INPP4B: variants seen among roughly 807,000 people sequenced by gnomAD.
INPP4B encodes the protein inositol polyphosphate 4-phosphatase type II.
A neutral mutation model predicts 122.5 loss-of-function variants in INPP4B; 55 were observed. The observed-to-expected ratio is 0.45, with a 90% CI of 0.36 to 0.56. The LOEUF is 0.56. INPP4B is among the 20% of genes least tolerant of loss of function. The pLI, the probability that INPP4B is intolerant of heterozygous loss-of-function variation, is 0.00. For synonymous variants in INPP4B, 403 were observed against 388.7 expected (o/e 1.04, Z -0.43); for missense variants, 1,000 against 1,097.7 (o/e 0.91, Z 1.26).
intron 2 of INPP4B, among the ~76,000 whole-genome samples, chr4:142,540,343 T>TC (rs1828796017): frequency 2.0e-5 from 3 of 151,748 alleles, no homozygotes; most frequent in South Asian, 4.2e-4. Context: ...TTTTTTTTTT[T>TC]CACCCAGGCT....
chr4:142,443,412 A>G (rs1812243446), intron 3 of INPP4B, among the ~76,000 whole-genome samples: 2 of 152,124 alleles, frequency 1.3e-5, no homozygotes, highest in Non-Finnish European at 2.9e-5. Context: ...AACAAAAATG[A>G]CAGACCCTGC....
chr4:142,500,307 G>C (rs530625064), intron 2 of INPP4B, among the ~76,000 whole-genome samples: 1 of 152,276 alleles, frequency 6.6e-6, no homozygotes, highest in African/African-American at 2.4e-5. Flanking sequence ...AGGTGGGTGA[G>C]ACTCCTTGCC....
At chr4:142,061,781 C>T (rs1434841642) in intron 25 of INPP4B, among the ~76,000 whole-genome samples, 1 of 149,236 alleles carries the variant, frequency 6.7e-6, no homozygotes, top group South Asian at 2.1e-4. Flanking sequence ...GTTCTAAATA[C>T]AATATATAGC....
chr4:142,582,091 A>T (rs541681725), intron 2 of INPP4B, among the ~76,000 whole-genome samples: 73 of 152,026 alleles, frequency 4.8e-4, no homozygotes, highest in Admixed American at 2.8e-3. Context: ...AACACATTAC[A>T]CCTGCTGCTG....
chr4:142,176,926 C>T (rs188981747), intron 15 of INPP4B, among the ~76,000 whole-genome samples: 16 of 152,274 alleles, frequency 1.1e-4, no homozygotes, highest in African/African-American at 3.9e-4. Flanking sequence ...AATTTTACAA[C>T]CCATCTTATT....
chr4:142,764,482 T>TAA (rs577305267), intron 1 of INPP4B, among the ~76,000 whole-genome samples: 1 of 149,512 alleles, frequency 6.7e-6, no homozygotes, highest in African/African-American at 2.5e-5. Flanking sequence ...TACTGTCAAA[T>TAA]AAAAAAAAAA....
chr4:142,288,408 C>T (rs1754839496), intron 9 of INPP4B, among the ~76,000 whole-genome samples: 2 of 152,090 alleles, frequency 1.3e-5, no homozygotes, highest in African/African-American at 4.8e-5. Context: ...CATGGTGAAA[C>T]CCCATCTCTA....
At chr4:142,660,034 A>G (rs1424705331) in intron 2 of INPP4B, among the ~76,000 whole-genome samples, 2 of 152,210 alleles carry the variant, frequency 1.3e-5, no homozygotes, top group Admixed American at 6.5e-5. Context: ...ATTTCTGCCA[A>G]TTAAGCCAAC....
At chr4:142,209,501 A>C (rs988726121) in intron 12 of INPP4B, among the ~76,000 whole-genome samples, 5 of 152,094 alleles carry the variant, frequency 3.3e-5, no homozygotes, top group Non-Finnish European at 7.4e-5. Flanking sequence ...TTTTAAAAAA[A>C]CAAAAGCCCG....
At chr4:142,338,432 G>T (rs541960992) in intron 7 of INPP4B, among the ~76,000 whole-genome samples, 164 of 152,202 alleles carry the variant, frequency 1.1e-3, no homozygotes, top group African/African-American at 3.5e-3. Flanking sequence ...TAGAGATGGG[G>T]TTTCACCTTT....
chr4:142,616,740 G>A (rs563782284), intron 2 of INPP4B, among the ~76,000 whole-genome samples: 1 of 152,182 alleles, frequency 6.6e-6, no homozygotes, highest in South Asian at 2.1e-4. Context: ...TATACACCAT[G>A]GGATACTACT....
chr4:142,187,235 T>C (rs2152996530), intron 15 of INPP4B, among the ~76,000 whole-genome samples: 1 of 152,300 alleles, frequency 6.6e-6, no homozygotes, highest in East Asian at 1.9e-4. Context: ...AAATTATTCT[T>C]ATTTCTAGAG....
At chr4:142,688,601 C>A (rs1759712522) in intron 2 of INPP4B, among the ~76,000 whole-genome samples, 1 of 152,146 alleles carries the variant, frequency 6.6e-6, no homozygotes, top group Admixed American at 6.6e-5. Context: ...CTTCTAACCT[C>A]CAAGTTGTCC....
At chr4:142,673,890 G>T (rs183246235) in intron 2 of INPP4B, among the ~76,000 whole-genome samples, 1 of 152,274 alleles carries the variant, frequency 6.6e-6, no homozygotes, top group Non-Finnish European at 1.5e-5. Flanking sequence ...GTGGACCCAT[G>T]ATACAGCACC....
chr4:142,620,735 G>T (rs1019009527), intron 2 of INPP4B, among the ~76,000 whole-genome samples: 1 of 151,976 alleles, frequency 6.6e-6, no homozygotes, highest in Non-Finnish European at 1.5e-5. Flanking sequence ...CAACTATTTA[G>T]CAGCAGAGTC....
chr4:142,622,828 T>A (rs570657787), intron 2 of INPP4B, among the ~76,000 whole-genome samples: 1 of 152,004 alleles, frequency 6.6e-6, no homozygotes, highest in South Asian at 2.1e-4. Context: ...ACTACAGAAA[T>A]TTTTTGGAAC....
intron 22 of INPP4B, among the ~76,000 whole-genome samples, chr4:142,111,341 T>C (rs909383952): frequency 3.3e-5 from 5 of 152,102 alleles, no homozygotes; most frequent in Non-Finnish European, 1.5e-5. Flanking sequence ...GTATGTTCTA[T>C]GATCTTTTTT....
intron 1 of INPP4B, among the ~76,000 whole-genome samples, chr4:142,732,023 A>C (rs1164576984): frequency 6.6e-6 from 1 of 152,176 alleles, no homozygotes; most frequent in Non-Finnish European, 1.5e-5. Context: ...CCCCATCATC[A>C]CAAGACTATA....
At chr4:142,843,952 G>T (rs1275517073) in intron 1 of INPP4B, among the ~76,000 whole-genome samples, 1 of 152,016 alleles carries the variant, frequency 6.6e-6, no homozygotes, top group Non-Finnish European at 1.5e-5. Flanking sequence ...CAAATATCTG[G>T]CTTTTCCCTA....
Sources: allele counts gnomAD v4.1 joint callset (sites outside exome capture counted in the v4.1 genomes callset), GRCh38; gene constraint gnomAD v4.1.1; transcripts MANE v1.5; gene names NCBI Gene and HGNC (gene_info 2026-07-23, HGNC 2026-07-21).